The following AGAP1 variants were observed in gnomAD, a reference collection of about 807,000 sequenced individuals.
AGAP1 encodes arf-GAP with GTPase, ANK repeat and PH domain-containing protein 1.
AGAP1 carries 29 observed loss-of-function variants against 105.3 expected under a neutral mutation model. That is an observed-to-expected ratio of 0.28 (90% CI 0.21 to 0.38). The LOEUF (loss-of-function observed/expected upper bound fraction) is 0.38, where lower values mean the gene tolerates loss of function less well. Among genes scored for constraint, AGAP1 ranks in the 10% least tolerant of loss-of-function variants. The pLI, the probability that AGAP1 is intolerant of heterozygous loss-of-function variation, is 1.00. For missense variants in AGAP1, 998 were observed against 1,165.1 expected, an observed-to-expected ratio of 0.86 and a Z score of 2.09; for synonymous variants, 509 against 485.9, an observed-to-expected ratio of 1.05 and a Z score of -0.63.
intron 1 of AGAP1, among the ~76,000 whole-genome samples, chr2:235,573,028 TTCTTCTTCTTCTTCTTCTTCTTCTTC>T (rs1379297223): frequency 0.063 from 3,283 of 51,882 alleles, 356 homozygotes; most frequent in East Asian, 0.19. Flanking sequence ...CTTCTTCTTC[TTCTTCTTCTTCTTCTTCTTCTTCTTC>T]TTCTTCTTTC....
chr2:235,914,698 C>T (rs2051787217), intron 11 of AGAP1, among the ~76,000 whole-genome samples: 1 of 152,172 alleles, frequency 6.6e-6, no homozygotes, highest in Non-Finnish European at 1.5e-5. Flanking sequence ...GCTCAGGCCA[C>T]CCTCTGGGGC....
In AGAP1 at chr2:235,550,240, G is replaced by A. The variant is rs898493166; in HGVS notation, c.163+55391G>A. 3.3e-5 allele frequency among the ~76,000 whole-genome samples: 5 copies of A among 152,150 alleles called. No individual in the cohort carries two copies. Among genetic ancestry groups the A allele is most frequent in the African/African-American group, 1.2e-4 (5 of 41,442 alleles). ...CAGCCCGAGGCACCTCCTCGTCACA[G>A]TGTTCTCCGCAGCCCTGACTGGCGA... On this transcript the variant is annotated intron_variant, in intron 1 of 17. Transcript: ENST00000304032. This position sits in a 1 kb window ranked among gnomAD's most constrained non-coding sequence, Gnocchi z 4.6.
rs926172543 is a variant in AGAP1, at chr2:235,631,783, C to G, written c.164-77396C>G. Reference sequence around the variant, plus strand: ...GGCAGGTGGCGGTGCTAATTAAGTTCCGGCTGTTGTGACGGTCTCCTCGGC... The same window carrying G: ...GGCAGGTGGCGGTGCTAATTAAGTTGCGGCTGTTGTGACGGTCTCCTCGGC... On this transcript the variant is annotated intron_variant, in intron 1 of 17. Coordinates refer to ENST00000304032, the MANE Select transcript of AGAP1 (RefSeq NM_001037131.3). The surrounding 1 kb of genome is among the most constrained non-coding windows in gnomAD (Gnocchi z 5.4). 6.6e-6 allele frequency among the ~76,000 whole-genome samples: 1 copy of G among 152,216 alleles called. No homozygotes were observed. The highest frequency in any genetic ancestry group is 2.4e-5 in the African/African-American group (1 of 41,464).
At chr2:235,650,731 T>G (rs932059113) in intron 1 of AGAP1, among the ~76,000 whole-genome samples, 1 of 152,154 alleles carries the variant, frequency 6.6e-6, no homozygotes, top group African/African-American at 2.4e-5. Flanking sequence ...AAAGTGTGTT[T>G]TTTGCAGATT....
chr2:235,559,465 G>A lies in AGAP1; in HGVS notation c.163+64616G>A, dbSNP rs1446762573. On this transcript the variant is annotated intron_variant, in intron 1 of 17. Coordinates refer to ENST00000304032, the MANE Select transcript of AGAP1 (RefSeq NM_001037131.3). This position sits in a 1 kb window ranked among gnomAD's most constrained non-coding sequence, Gnocchi z 5.7. ...CGTTAGTGTCGGTATCTCTCATTGC[G>A]AACATTCTTCTCTAAGGTTGAAAAT... Among the ~76,000 whole-genome samples, 3 of 152,122 alleles carry A rather than the reference G, an allele frequency of 2.0e-5. No individual in the cohort carries two copies. Among genetic ancestry groups the A allele is most frequent in the Non-Finnish European group, 2.9e-5 (2 of 68,020 alleles).
At chr2:235,526,555 AT>A (rs1275647663) in intron 1 of AGAP1, among the ~76,000 whole-genome samples, 1 of 152,254 alleles carries the variant, frequency 6.6e-6, no homozygotes, top group Non-Finnish European at 1.5e-5. Context: ...ACATAAAAAG[AT>A]TTAACAAGCC....
chr2:235,867,768 T>A lies in AGAP1; in HGVS notation c.1051-15577T>A, dbSNP rs532558715. On this transcript the variant is annotated intron_variant, in intron 9 of 17. Coordinates refer to ENST00000304032, the MANE Select transcript of AGAP1 (RefSeq NM_001037131.3). The surrounding 1 kb of genome is among the most constrained non-coding windows in gnomAD (Gnocchi z 5.4). ...GGGGAGCCTCAGCAGGGGCATCACC[T>A]GGATGTACCATTTTCCGCATGGAGC... Among the ~76,000 whole-genome samples, 12 of 152,286 alleles carry A rather than the reference T, an allele frequency of 7.9e-5. No individual in the cohort carries two copies. In the South Asian group the frequency reaches 1.7e-3, roughly 21 times the overall value.
chr2:235,513,233 C>G (rs1942224883), intron 1 of AGAP1, among the ~76,000 whole-genome samples: 1 of 143,446 alleles, frequency 7.0e-6, no homozygotes, highest in African/African-American at 2.6e-5. Context: ...AAATGCAGAT[C>G]ACTGTGCCGG....
Position 235,698,384 on chromosome 2 carries a change from A to G in AGAP1, c.164-10795A>G, listed in dbSNP as rs372143744. Reference sequence around the variant, plus strand: ...GTTGGGGACCCCTGTTTTAATATACATCTCCACCCAAACTGCAGTAAGACA... The same window carrying G: ...GTTGGGGACCCCTGTTTTAATATACGTCTCCACCCAAACTGCAGTAAGACA... On this transcript the variant is annotated intron_variant, in intron 1 of 17. Transcript: ENST00000304032. Among the ~76,000 whole-genome samples the G allele has an allele frequency of 1.1e-4, 16 of 152,218 alleles. No homozygotes were observed. In the East Asian group the frequency reaches 2.9e-3, roughly 28 times the overall value.
chr2:235,802,953 A>G (rs111162837), intron 8 of AGAP1, among the ~76,000 whole-genome samples: 188 of 5,428 alleles, frequency 0.035, no homozygotes, highest in Non-Finnish European at 0.053. Context: ...AATGGTGGTG[A>G]TGATGGTTGT....
At chr2:235,652,619 C>T (rs1057388717) in intron 1 of AGAP1, among the ~76,000 whole-genome samples, 5 of 152,110 alleles carry the variant, frequency 3.3e-5, no homozygotes, top group Middle Eastern at 3.2e-3. Flanking sequence ...AGGCCGGGTG[C>T]GGTGGCTCAC....
chr2:235,576,973 C>T (rs1944753949), intron 1 of AGAP1, among the ~76,000 whole-genome samples: 1 of 152,170 alleles, frequency 6.6e-6, no homozygotes, highest in Non-Finnish European at 1.5e-5. Context: ...GCTTCTTCCC[C>T]TCCTTCCACA....
chr2:235,556,424 C>T lies in AGAP1; in HGVS notation c.163+61575C>T, dbSNP rs190777724. 2.0e-5 allele frequency among the ~76,000 whole-genome samples: 3 copies of T among 152,370 alleles called. No individual in the cohort carries two copies. The East Asian group carries it at 5.8e-4, about 29-fold the overall frequency. On this transcript the variant is annotated intron_variant, in intron 1 of 17. Coordinates refer to ENST00000304032, the MANE Select transcript of AGAP1 (RefSeq NM_001037131.3). This position sits in a 1 kb window ranked among gnomAD's most constrained non-coding sequence, Gnocchi z 5.3. ...AGGCCAGTCTCGTCCAGGCTGCCCA[C>T]ACCTAGGTCTTCAGGATGGGACAAG...
At chr2:235,567,624 C>G (rs1944388476) in intron 1 of AGAP1, among the ~76,000 whole-genome samples, 1 of 152,130 alleles carries the variant, frequency 6.6e-6, no homozygotes, top group Admixed American at 6.5e-5. Context: ...AACCTGCTTC[C>G]CAGCCGGTCG....
intron 2 of AGAP1, among the ~76,000 whole-genome samples, chr2:235,710,193 AC>A (rs1432530699): frequency 6.6e-6 from 1 of 152,072 alleles, no homozygotes; most frequent in African/African-American, 2.4e-5. Flanking sequence ...CTCCCCACTG[AC>A]CCCAACCTCA....
At chr2:235,593,823 G>C (rs1342750043) in intron 1 of AGAP1, among the ~76,000 whole-genome samples, 1 of 152,044 alleles carries the variant, frequency 6.6e-6, no homozygotes, top group Non-Finnish European at 1.5e-5. Flanking sequence ...ACAAAAATTA[G>C]CTGGGCATGA....
intron 1 of AGAP1, among the ~76,000 whole-genome samples, chr2:235,579,272 T>A (rs1031768425): frequency 2.0e-5 from 3 of 152,190 alleles, no homozygotes; most frequent in African/African-American, 7.2e-5. Context: ...GGCGACACTT[T>A]TGCTTTAATC....
chr2:235,624,349 A>G (rs914293490), intron 1 of AGAP1, among the ~76,000 whole-genome samples: 1 of 152,098 alleles, frequency 6.6e-6, no homozygotes, highest in Non-Finnish European at 1.5e-5. Context: ...TCCCATCTGG[A>G]TCTCTTTCCT....
chr2:236,118,399 T>G (rs2059821980), intron 16 of AGAP1, among the ~76,000 whole-genome samples: 1 of 148,948 alleles, frequency 6.7e-6, no homozygotes, highest in Non-Finnish European at 1.5e-5. Context: ...TTTTTTTTTT[T>G]TTTTTTTCGA....
Sources: allele counts gnomAD v4.1 joint callset (sites outside exome capture counted in the v4.1 genomes callset), GRCh38; gene constraint gnomAD v4.1.1; non-coding constraint Gnocchi (gnomAD v3.1); transcripts MANE v1.5; gene names NCBI Gene and HGNC (gene_info 2026-07-23, HGNC 2026-07-21).